The following ANKS1B variants were observed in gnomAD, a reference collection of about 807,000 sequenced individuals.
ANKS1B encodes ankyrin repeat and sterile alpha motif domain-containing protein 1B.
A neutral mutation model predicts 148.3 loss-of-function variants in ANKS1B; 36 were observed. That is an observed-to-expected ratio of 0.24 (90% CI 0.19 to 0.32). ANKS1B has a LOEUF of 0.32. ANKS1B is among the 10% of genes least tolerant of loss of function. ANKS1B has a pLI of 1.00. For synonymous variants in ANKS1B, 542 were observed against 560.8 expected (o/e 0.97, Z 0.47); for missense variants, 1,157 against 1,542.6 (o/e 0.75, Z 4.19).
intron 12 of ANKS1B, among the ~76,000 whole-genome samples, chr12:99,327,519 T>C (rs928001320): frequency 6.9e-6 from 1 of 143,946 alleles, no homozygotes; most frequent in Non-Finnish European, 1.5e-5. Context: ...TGTATACATA[T>C]ACTCTATGAT....
intron 9 of ANKS1B, among the ~76,000 whole-genome samples, chr12:99,564,597 C>T (rs968184836): frequency 2.6e-5 from 4 of 152,012 alleles, no homozygotes; most frequent in Admixed American, 6.6e-5. Flanking sequence ...CTTCAATCTA[C>T]ACTTATAACC....
At chr12:99,541,300 C>T (rs1431244307) in intron 9 of ANKS1B, among the ~76,000 whole-genome samples, 1 of 152,040 alleles carries the variant, frequency 6.6e-6, no homozygotes, top group Non-Finnish European at 1.5e-5. Context: ...TTGTATTACA[C>T]TAATATCAAA....
At chr12:98,809,179 C>A (rs907824184) in intron 19 of ANKS1B, among the ~76,000 whole-genome samples, 1 of 152,176 alleles carries the variant, frequency 6.6e-6, no homozygotes, top group Non-Finnish European at 1.5e-5. Context: ...CTTCCAAACA[C>A]CTTTCACTTA....
At chr12:99,788,780 G>T (rs1326521996) in intron 4 of ANKS1B, among the ~76,000 whole-genome samples, 2 of 152,122 alleles carry the variant, frequency 1.3e-5, no homozygotes, top group Non-Finnish European at 2.9e-5. Flanking sequence ...ACCATAAGCT[G>T]ACAAAAGAGC....
At chr12:99,025,463 G>A (rs2099948206) in intron 17 of ANKS1B, among the ~76,000 whole-genome samples, 1 of 152,232 alleles carries the variant, frequency 6.6e-6, no homozygotes, top group South Asian at 2.1e-4. Flanking sequence ...AAATAGAATA[G>A]TGGATTTAAT....
chr12:99,434,777 A>G (rs1421516724), intron 11 of ANKS1B, among the ~76,000 whole-genome samples: 1 of 152,026 alleles, frequency 6.6e-6, no homozygotes, highest in Non-Finnish European at 1.5e-5. Context: ...ATGTGCATCT[A>G]TGCTTTCTCA....
At chr12:99,548,999 CA>C (rs1318177015) in intron 9 of ANKS1B, among the ~76,000 whole-genome samples, 1 of 152,010 alleles carries the variant, frequency 6.6e-6, no homozygotes, top group Non-Finnish European at 1.5e-5. Flanking sequence ...TAACATATAA[CA>C]AAAAGGCATA....
intron 1 of ANKS1B, among the ~76,000 whole-genome samples, chr12:99,968,207 G>T (rs2095511682): frequency 1.3e-5 from 2 of 152,184 alleles, no homozygotes; most frequent in Non-Finnish European, 2.9e-5. Flanking sequence ...AATTAATAAT[G>T]AGCTCAGTTA....
At chr12:99,115,914 A>T (rs2061285114) in intron 15 of ANKS1B, among the ~76,000 whole-genome samples, 1 of 149,814 alleles carries the variant, frequency 6.7e-6, no homozygotes. Context: ...CCTAGGCAAC[A>T]AGAGCGAGAC....
At chr12:99,675,779 TA>T (rs1269605023) in intron 8 of ANKS1B, among the ~76,000 whole-genome samples, 1 of 152,054 alleles carries the variant, frequency 6.6e-6, no homozygotes, top group African/African-American at 2.4e-5. Context: ...CCATAGAAAA[TA>T]ATTAAATTGT....
chr12:99,794,323 T>C (rs1305116960), intron 4 of ANKS1B, among the ~76,000 whole-genome samples: 2 of 151,946 alleles, frequency 1.3e-5, no homozygotes, highest in African/African-American at 4.8e-5. Flanking sequence ...CTGCTGGATA[T>C]CTACCCCAAA....
chr12:99,303,488 G>A (rs1300789609), intron 12 of ANKS1B, among the ~76,000 whole-genome samples: 1 of 151,978 alleles, frequency 6.6e-6, no homozygotes, highest in Admixed American at 6.6e-5. Context: ...GGTTTCAGTG[G>A]TGAATCAGAA....
Position 99,511,550 on chromosome 12 carries a change from T to C in ANKS1B, c.1273-6909A>G, listed in dbSNP as rs552530054. Among the ~76,000 whole-genome samples, 67 of 151,988 alleles carry C rather than the reference T, an allele frequency of 4.4e-4. 1 individual carries two copies. The highest frequency in any genetic ancestry group is 1.2e-3 in the Admixed American group (18 of 15,230). ...CTACCATTGACATTCTTCACAGAAT[T>C]AGAAAAAAACTAATTTAAAATTCAT... On this transcript the variant is annotated intron_variant, in intron 9 of 26. Coordinates refer to ENST00000683438, the MANE Select transcript of ANKS1B (RefSeq NM_001352186.2).
chr12:98,797,545 A>G (rs917388872), intron 22 of ANKS1B, among the ~76,000 whole-genome samples: 5 of 152,342 alleles, frequency 3.3e-5, no homozygotes, highest in East Asian at 1.9e-4. Flanking sequence ...AGTTTCTGAT[A>G]TATACAGAAG....
chr12:99,653,683 T>C (rs1389406607), intron 9 of ANKS1B, among the ~76,000 whole-genome samples: 40 of 147,436 alleles, frequency 2.7e-4, no homozygotes, highest in South Asian at 4.3e-4. Flanking sequence ...TCTTTCTTTT[T>C]TTTTTTTTTT....
At chr12:99,864,215 C>T (rs1299128091) in intron 1 of ANKS1B, among the ~76,000 whole-genome samples, 3 of 152,018 alleles carry the variant, frequency 2.0e-5, no homozygotes, top group Non-Finnish European at 4.4e-5. Context: ...CCTTCAATCT[C>T]TTTATCCCCA....
At chr12:99,245,522 TTAAG>T (rs2090095935) in intron 13 of ANKS1B, among the ~76,000 whole-genome samples, 1 of 152,194 alleles carries the variant, frequency 6.6e-6, no homozygotes, top group African/African-American at 2.4e-5. Context: ...TGCAGAGATA[TTAAG>T]TGATTTTCCC....
At chr12:98,790,401 C>T (rs2098837966) in intron 22 of ANKS1B, among the ~76,000 whole-genome samples, 1 of 152,320 alleles carries the variant, frequency 6.6e-6, no homozygotes, top group South Asian at 2.1e-4. Flanking sequence ...ATAGCATCTA[C>T]ATTTTAGAGT....
At chr12:99,528,581 A>G (rs547968232) in intron 9 of ANKS1B, among the ~76,000 whole-genome samples, 33 of 152,222 alleles carry the variant, frequency 2.2e-4, no homozygotes, top group African/African-American at 7.0e-4. Flanking sequence ...AAACCAAACA[A>G]CCCCATTAAA....
Sources: allele counts gnomAD v4.1 joint callset (sites outside exome capture counted in the v4.1 genomes callset), GRCh38; gene constraint gnomAD v4.1.1; transcripts MANE v1.5; gene names NCBI Gene and HGNC (gene_info 2026-07-23, HGNC 2026-07-21).